Variants in RBFOX3 observed in about 807,000 individuals in gnomAD.
The protein encoded by RBFOX3 is RNA binding protein fox-1 homolog 3.
RBFOX3 carries 17 observed loss-of-function variants against 48.7 expected under a neutral mutation model. That is an observed-to-expected ratio of 0.35 (90% CI 0.24 to 0.52). RBFOX3 has a LOEUF of 0.52. Ranked by LOEUF, RBFOX3 falls within the 20% of genes least tolerant of loss-of-function variation. The pLI is 0.94. For missense variants in RBFOX3, 382 were observed against 497.5 expected, an observed-to-expected ratio of 0.77 and a Z score of 2.21; for synonymous variants, 212 against 209.5, an observed-to-expected ratio of 1.01 and a Z score of -0.10.
intron 9 of RBFOX3, chr17:79,098,075 G>T (rs868023362): frequency 9.1e-6 from 3 of 329,756 alleles, no homozygotes; most frequent in African/African-American, 6.2e-5. Flanking sequence ...ACTGGAGAGG[G>T]AAAGTGGAAC....
rs1305440660 is a variant in RBFOX3 at position 79,477,217 on chromosome 17, A to C, written c.-175+5237T>G. 6.8e-6 allele frequency among the ~76,000 whole-genome samples: 1 copy of C among 147,240 alleles called. No homozygotes were observed. Among genetic ancestry groups the C allele is most frequent in the Non-Finnish European group, 1.5e-5 (1 of 67,176 alleles). Reference sequence around the variant, plus strand: ...CACTGCACTCCAGCCTGGGTGAAAGAGCAAGGCTCCGTTTCAAAAAAAAAT... The same window carrying C: ...CACTGCACTCCAGCCTGGGTGAAAGCGCAAGGCTCCGTTTCAAAAAAAAAT... On this transcript the variant is annotated intron_variant, in intron 2 of 14. Transcript: ENST00000693108. This position sits in a 1 kb window ranked among gnomAD's most constrained non-coding sequence, Gnocchi z 4.8.
chr17:79,395,606 C>T (rs879354503), intron 2 of RBFOX3, among the ~76,000 whole-genome samples: 1 of 152,214 alleles, frequency 6.6e-6, no homozygotes. Flanking sequence ...GCCCGCCTGG[C>T]AGTTAGTGTG....
chr17:79,402,938 G>A (rs570872543), intron 2 of RBFOX3, among the ~76,000 whole-genome samples: 1 of 152,194 alleles, frequency 6.6e-6, no homozygotes, highest in Non-Finnish European at 1.5e-5. Context: ...TGACCCACAG[G>A]ACGTGCCCGG....
chr17:79,194,009 C>T (rs374021408), intron 4 of RBFOX3, among the ~76,000 whole-genome samples: 4 of 152,198 alleles, frequency 2.6e-5, no homozygotes, highest in East Asian at 1.9e-4. Context: ...CACTGTGGTG[C>T]AGCTCGAGCC....
chr17:79,664,776 A>C, the RBFOX3 span, among the ~76,000 whole-genome samples: 1 of 148,384 alleles, frequency 6.7e-6, no homozygotes. Flanking sequence ...GACACCTCTT[A>C]CTCCCTCCTC....
At chr17:79,244,788 C>G (rs941770886) in intron 3 of RBFOX3, among the ~76,000 whole-genome samples, 1 of 146,586 alleles carries the variant, frequency 6.8e-6, no homozygotes, top group Non-Finnish European at 1.5e-5. Context: ...TATTCTCCTT[C>G]CTTCCTTCCT....
chr17:79,145,860 C>T (rs55913536), intron 4 of RBFOX3, among the ~76,000 whole-genome samples: 37,035 of 152,060 alleles, frequency 0.24, 4,728 homozygotes, highest in Middle Eastern at 0.29. Context: ...GCGTCTCCAA[C>T]CTTTTTGGTA....
At chr17:79,170,592 G>A (rs906294602) in intron 4 of RBFOX3, among the ~76,000 whole-genome samples, 4 of 152,062 alleles carry the variant, frequency 2.6e-5, no homozygotes, top group South Asian at 2.1e-4. Context: ...TGGTGTGTCC[G>A]TTAGGCCTCC....
chr17:79,186,592 C>G (rs1413687713), intron 4 of RBFOX3, among the ~76,000 whole-genome samples: 1 of 152,164 alleles, frequency 6.6e-6, no homozygotes, highest in Non-Finnish European at 1.5e-5. Context: ...GCCTGTGCTC[C>G]TGGTGGCTGT....
chr17:79,480,150 CA>C lies in RBFOX3; in HGVS notation c.-175+2303del, dbSNP rs2078572396. Among the ~76,000 whole-genome samples the C allele has an allele frequency of 3.3e-5, 5 of 152,208 alleles. No individual in the cohort carries two copies. The highest frequency in any genetic ancestry group is 2.6e-4 in the Admixed American group (4 of 15,280). On this transcript the variant is annotated intron_variant, in intron 2 of 14. Coordinates refer to ENST00000693108, the MANE Select transcript of RBFOX3 (RefSeq NM_001350451.2). The surrounding 1 kb of genome is among the most constrained non-coding windows in gnomAD (Gnocchi z 4.8). ...AGCAGTGGGATTCCTGCCCTCTAAA[CA>C]GTCACATTGCTGCTTCTCTGTCCCA... is the stretch of plus-strand genomic sequence containing the variant.
At chr17:79,356,799 A>G (rs1018490246) in intron 2 of RBFOX3, among the ~76,000 whole-genome samples, 1 of 152,198 alleles carries the variant, frequency 6.6e-6, no homozygotes, top group Non-Finnish European at 1.5e-5. Context: ...TTTGTTGGGA[A>G]GAATCATGAA....
At chr17:79,646,800 G>C in the RBFOX3 span, among the ~76,000 whole-genome samples, 2 of 152,086 alleles carry the variant, frequency 1.3e-5, no homozygotes, top group Admixed American at 1.3e-4. Flanking sequence ...CACCCTGACT[G>C]TCCCTCTGTC....
chr17:79,176,390 C>G (rs529001625), intron 4 of RBFOX3, among the ~76,000 whole-genome samples: 3 of 152,214 alleles, frequency 2.0e-5, no homozygotes, highest in Non-Finnish European at 4.4e-5. Flanking sequence ...CAGCACCCCC[C>G]AAGCAGGGCC....
intron 4 of RBFOX3, among the ~76,000 whole-genome samples, chr17:79,175,117 C>T (rs1397999756): frequency 3.9e-5 from 6 of 152,242 alleles, no homozygotes; most frequent in Admixed American, 6.5e-5. Flanking sequence ...TCCCCACCCA[C>T]ATGATAACTC....
At chr17:79,301,362 A>G (rs764232653) in intron 3 of RBFOX3, among the ~76,000 whole-genome samples, 7 of 152,240 alleles carry the variant, frequency 4.6e-5, no homozygotes, top group Non-Finnish European at 1.0e-4. Context: ...AAAGTCTCCC[A>G]GGGTGATGCA....
intron 2 of RBFOX3, among the ~76,000 whole-genome samples, chr17:79,389,620 C>A (rs939976011): frequency 1.3e-5 from 2 of 152,240 alleles, no homozygotes; most frequent in South Asian, 4.1e-4. Context: ...CTTACCGACA[C>A]ATGACACATG....
chr17:79,619,999 A>G, the RBFOX3 span, among the ~76,000 whole-genome samples: 212 of 152,046 alleles, frequency 1.4e-3, no homozygotes, highest in Non-Finnish European at 2.0e-3. Context: ...GCACATGCAC[A>G]CACATGCACA....
chr17:79,664,029 A>G, the RBFOX3 span, among the ~76,000 whole-genome samples: 1 of 152,168 alleles, frequency 6.6e-6, no homozygotes, highest in Non-Finnish European at 1.5e-5. Flanking sequence ...GCCAGCCCCA[A>G]AAAGCCTCCG....
chr17:79,338,834 C>T (rs2081594531), intron 2 of RBFOX3, among the ~76,000 whole-genome samples: 1 of 152,164 alleles, frequency 6.6e-6, no homozygotes, highest in Non-Finnish European at 1.5e-5. Context: ...AAATAAAGAG[C>T]TAGCTCAAAC....
Sources: gnomAD v4.1 joint callset for allele counts (sites outside exome capture counted in the v4.1 genomes callset) on GRCh38, gnomAD v4.1.1 for gene constraint, Gnocchi (gnomAD v3.1) non-coding constraint, MANE v1.5 for transcripts, NCBI Gene and HGNC (gene_info 2026-07-23, HGNC 2026-07-21) for gene names.